TCF15: variants seen among roughly 807,000 people sequenced by gnomAD.
The protein encoded by TCF15 is transcription factor 15, also known as TCF-15.
In TCF15, 7 loss-of-function variants were observed where a neutral mutation model predicts 11.1. The ratio of observed to expected loss-of-function variants is 0.63; its 90% confidence interval spans 0.36 to 1.19. The LOEUF (loss-of-function observed/expected upper bound fraction) is 1.19, where lower values mean the gene tolerates loss of function less well. Among genes scored for constraint, TCF15 ranks in the 50% most tolerant of loss-of-function variants. TCF15 has a pLI of 0.02. For missense variants in TCF15, 288 were observed against 289.4 expected, an observed-to-expected ratio of 1.00 and a Z score of 0.03; for synonymous variants, 144 against 138.9, an observed-to-expected ratio of 1.04 and a Z score of -0.26.
intron 1 of TCF15, among the ~76,000 whole-genome samples, chr20:605,819 CTTT>C (rs2019969449): frequency 6.6e-6 from 1 of 152,236 alleles, no homozygotes; most frequent in Non-Finnish European, 1.5e-5. Flanking sequence ...AGCACCCCCT[CTTT>C]TGAGGCCTCC....
intron 1 of TCF15, among the ~76,000 whole-genome samples, chr20:608,692 G>A (rs1158438695): frequency 6.6e-6 from 1 of 152,198 alleles, no homozygotes; most frequent in African/African-American, 2.4e-5. Flanking sequence ...CAAACAGCAG[G>A]GAGTCAGGGG....
At chr20:607,010 T>G (rs776657143) in intron 1 of TCF15, among the ~76,000 whole-genome samples, 1 of 152,168 alleles carries the variant, frequency 6.6e-6, no homozygotes, top group East Asian at 1.9e-4. Flanking sequence ...TGAGCCTCAG[T>G]TTCCCCCCCG....
At position 604,555 on chromosome 20, in the gene TCF15, T is replaced by G. The variant is rs749986944; in HGVS notation, c.*36A>C. 2 of 1,537,816 alleles carry G rather than the reference T, an allele frequency of 1.3e-6. No individual in the cohort carries two copies. The highest frequency in any genetic ancestry group is 1.4e-5 in the African/African-American group (1 of 72,780). On this transcript the variant is annotated 3_prime_UTR_variant, in exon 2 of 2. Transcript: ENST00000246080. The surrounding 1 kb of genome is among the most constrained non-coding windows in gnomAD (Gnocchi z 4.2). ...GGGGTCTTCTTCCCTGTCCAGCCAG[T>G]GGCTGGCTCCTGGCCTCCTTCTCCA... is the stretch of plus-strand genomic sequence containing the variant.
chr20:605,190 T>C (rs2019962968), intron 1 of TCF15, among the ~76,000 whole-genome samples: 3 of 152,298 alleles, frequency 2.0e-5, no homozygotes, highest in Admixed American at 2.0e-4. Flanking sequence ...TTTTACCTTT[T>C]CTACTTCTTT....
chr20:605,982 T>C (rs2019971321), intron 1 of TCF15, among the ~76,000 whole-genome samples: 1 of 152,214 alleles, frequency 6.6e-6, no homozygotes, highest in Non-Finnish European at 1.5e-5. Flanking sequence ...CCTGGCTAGA[T>C]GATGGAGGAA....
At position 610,238 on chromosome 20, in the gene TCF15, G is replaced by A; in HGVS notation, c.-1C>T. 2 of 997,904 alleles carry A rather than the reference G, an allele frequency of 2.0e-6. No individual in the cohort carries two copies. Among genetic ancestry groups the A allele is most frequent in the Non-Finnish European group, 1.2e-6 (1 of 839,284 alleles). The allele number at this position is 997,904 out of a possible 1,614,324, so 61.8% of individuals were successfully genotyped here. On this transcript the variant is annotated 5_prime_UTR_variant, in exon 1 of 2. Transcript: ENST00000246080. ...CGGGCCGCAGCAGCGCGAACGCCAT[G>A]GGCGCCGGCCGCGTCCCTCCGTGCG...
rs534034365 is a variant in TCF15, at chr20:606,293, C to T, written c.526-1628G>A. Among the ~76,000 whole-genome samples, 99 of 152,130 alleles carry T rather than the reference C, an allele frequency of 6.5e-4. 1 individual carries two copies. The highest frequency in any genetic ancestry group is 1.9e-4 in the East Asian group (1 of 5,164). The stretch of plus-strand genomic sequence containing the variant: ...ATTAAGGTTGAATTAGAAAACTGGC[C>T]TTCCTCTCTTTTACTCTGTAAGTGC... On this transcript the variant is annotated intron_variant, in intron 1 of 1. Transcript: ENST00000246080.
chr20:609,764 G>A lies in TCF15; in HGVS notation c.474C>T (p.Gly158=). The A allele has an allele frequency of 7.1e-7, 1 of 1,407,048 alleles. No homozygotes were observed. The highest frequency in any genetic ancestry group is 3.5e-5 in the Admixed American group (1 of 28,728). The allele number at this position is 1,407,048 out of a possible 1,614,324, so 87.2% of individuals were successfully genotyped here. A position where few individuals can be genotyped will look rare whatever the true frequency, so the allele number is the denominator to read the frequency against. ...AGGTGCAGATGGAGCGCGGCTGGCG[G>A]CCGCCGTCGGCGGCGGCGGGGACGG... is the stretch of plus-strand genomic sequence containing the variant. The part of the protein sequence containing the change: ...KGAVPAAADG[G]RQPRSICTFC... Residue 158 remains glycine, a synonymous_variant, in exon 1 of 2, where the codon GGC becomes GGT. Coordinates refer to ENST00000246080, the MANE Select transcript of TCF15 (RefSeq NM_004609.4). The surrounding 1 kb of genome is among the most constrained non-coding windows in gnomAD (Gnocchi z 4.7).
Position 604,303 on chromosome 20 carries a change from A to G in TCF15, c.*288T>C, listed in dbSNP as rs1010787890. On this transcript the variant is annotated 3_prime_UTR_variant, in exon 2 of 2. Transcript: ENST00000246080. The surrounding 1 kb of genome is among the most constrained non-coding windows in gnomAD (Gnocchi z 4.2). ...ATTTTAAACTCACCAATTCTCTCTC[A>G]CACACACTCACACTCACGCACAGAT... is the stretch of plus-strand genomic sequence containing the variant. 4 of 515,262 alleles carry G rather than the reference A, an allele frequency of 7.8e-6. No individual in the cohort carries two copies. Among genetic ancestry groups the G allele is most frequent in the Admixed American group, 3.6e-5 (1 of 27,900 alleles). The allele number at this position is 515,262 out of a possible 1,614,324, so 31.9% of individuals were successfully genotyped here.
rs45579139 is a variant in TCF15 at position 605,042 on chromosome 20, A to G, written c.526-377T>C. ...AGTCTTGCTCTGTTGCCAGGCTGGA[A>G]TGCAGTGGCACAATCTCAGCTCACT... On this transcript the variant is annotated intron_variant, in intron 1 of 1. Coordinates refer to ENST00000246080, the MANE Select transcript of TCF15 (RefSeq NM_004609.4). Among the ~76,000 whole-genome samples the G allele has an allele frequency of 9.9e-3, 1,502 of 152,200 alleles. 35 individuals carry two copies. The highest frequency in any genetic ancestry group is 0.034 in the African/African-American group (1,402 of 41,518).
chr20:604,649 A>G lies in TCF15; in HGVS notation c.542T>C (p.Leu181Pro), dbSNP rs747173079. The change falls in exon 2 of 2, where the codon CTG (leucine) becomes CCG (proline). Residue 181 changes from leucine (L) to proline (P), a missense_variant. Leu to Pro is a moderately conservative substitution (Grantham distance 98, BLOSUM62 -3). Coordinates refer to ENST00000246080, the MANE Select transcript of TCF15 (RefSeq NM_004609.4). This position sits in a 1 kb window ranked among gnomAD's most constrained non-coding sequence, Gnocchi z 4.2. ...CCTCACCTTCAAGCAGCTGCCCCCC[A>G]GGTCACGACGGCCACCCTGCAGAGG... The part of the protein sequence containing the change: ...NQRKGGGRRD[L>P]GGSCLKVRGV... The G allele has an allele frequency of 6.4e-7, 1 of 1,552,796 alleles. No individual in the cohort carries two copies. The highest frequency in any genetic ancestry group is 1.2e-5 in the South Asian group (1 of 84,080).
rs2020002957 is a variant in TCF15 at position 609,436 on chromosome 20, A to G, written c.525+277T>C. ...TACTCAGTCCTCATGCCGTCTTCCC[A>G]GCAGGAAGGAAGTTCCAGCACACCT... is the stretch of plus-strand genomic sequence containing the variant. On this transcript the variant is annotated intron_variant, in intron 1 of 1. Transcript: ENST00000246080. The surrounding 1 kb of genome is among the most constrained non-coding windows in gnomAD (Gnocchi z 4.7). Among the ~76,000 whole-genome samples, 1 of 152,226 alleles carries G rather than the reference A, an allele frequency of 6.6e-6. No homozygotes were observed. The highest frequency in any genetic ancestry group is 1.5e-5 in the Non-Finnish European group (1 of 68,038).
Position 604,294 on chromosome 20 carries a change from T to G in TCF15, c.*297A>C. The G allele has an allele frequency of 6.2e-6, 3 of 485,930 alleles. No homozygotes were observed. The highest frequency in any genetic ancestry group is 7.4e-6 in the Non-Finnish European group (2 of 269,518). The allele number at this position is 485,930 out of a possible 1,614,324, so 30.1% of individuals were successfully genotyped here. A position where few individuals can be genotyped will look rare whatever the true frequency, so the allele number is the denominator to read the frequency against. ...ATAGCTTTTATTTTAAACTCACCAATTCTCTCTCACACACACTCACACTCA... is the reference window on the plus strand; with the variant it reads ...ATAGCTTTTATTTTAAACTCACCAAGTCTCTCTCACACACACTCACACTCA... On this transcript the variant is annotated 3_prime_UTR_variant, in exon 2 of 2. Transcript: ENST00000246080. The surrounding 1 kb of genome is among the most constrained non-coding windows in gnomAD (Gnocchi z 4.2).
At chr20:606,253 G>A (rs1043838254) in intron 1 of TCF15, among the ~76,000 whole-genome samples, 5 of 152,138 alleles carry the variant, frequency 3.3e-5, no homozygotes, top group Non-Finnish European at 7.3e-5. Flanking sequence ...GGGCAGATAG[G>A]GGAGGGGGTG....
In TCF15 at chr20:604,624, C is replaced by G. The variant is rs1427892833; in HGVS notation, c.567G>C (p.Arg189Ser). ...GTGGCCCTCGAAGGGGGGCCACCCC[C>G]CTCACCTTCAAGCAGCTGCCCCCCA... ...RDLGGSCLKV[R>S]GVAPLRGPRR The change falls in exon 2 of 2, where the codon AGG becomes AGC. Residue 189 changes from arginine to serine, a missense_variant. Coordinates refer to ENST00000246080, the MANE Select transcript of TCF15 (RefSeq NM_004609.4). The surrounding 1 kb of genome is among the most constrained non-coding windows in gnomAD (Gnocchi z 4.2). The G allele has an allele frequency of 1.9e-6, 3 of 1,554,240 alleles. No individual in the cohort carries two copies. In the African/African-American group the frequency reaches 4.1e-5, roughly 21 times the overall value.
rs1272988600 is a variant in TCF15 at position 609,851 on chromosome 20, C to A, written c.387G>T (p.Leu129=). The A allele has an allele frequency of 2.0e-6, 3 of 1,530,124 alleles. No individual in the cohort carries two copies. The highest frequency in any genetic ancestry group is 2.6e-6 in the Non-Finnish European group (3 of 1,149,438). 94.8% of individuals were successfully genotyped at this position (1,530,124 alleles called of 1,614,324 possible). The change falls in exon 1 of 2, where the codon CTG becomes CTT. Residue 129 remains leucine (L), a synonymous_variant. Coordinates refer to ENST00000246080, the MANE Select transcript of TCF15 (RefSeq NM_004609.4). The surrounding 1 kb of genome is among the most constrained non-coding windows in gnomAD (Gnocchi z 4.7). ...GCCCGTCGTCGGCCGAGTCGCCCAG[C>A]AGCAGCACGTTGGCCAGGTGCGCGA... ...SYIAHLANVL[L]LGDSADDGQP...
chr20:608,361 T>C (rs2122241552), intron 1 of TCF15, among the ~76,000 whole-genome samples: 1 of 152,290 alleles, frequency 6.6e-6, no homozygotes. Context: ...CTAACTGGAA[T>C]GAATGGGTGA....
chr20:609,635 C>A lies in TCF15; in HGVS notation c.525+78G>T, dbSNP rs1209484710. 32 of 1,305,862 alleles carry A rather than the reference C, an allele frequency of 2.5e-5. No homozygotes were observed. The highest frequency in any genetic ancestry group is 3.1e-5 in the Non-Finnish European group (32 of 1,034,434). 80.9% of individuals were successfully genotyped at this position (1,305,862 alleles called of 1,614,324 possible). Reference sequence around the variant, plus strand: ...CCTGGCCTCGTTGGGGACCCCTGCACCTCTCCGGTTCCCGCAGAGGCGCTG... The same window carrying A: ...CCTGGCCTCGTTGGGGACCCCTGCAACTCTCCGGTTCCCGCAGAGGCGCTG... On this transcript the variant is annotated intron_variant, in intron 1 of 1. Transcript: ENST00000246080. The surrounding 1 kb of genome is among the most constrained non-coding windows in gnomAD (Gnocchi z 4.7).
chr20:607,709 C>T (rs916926917), intron 1 of TCF15, among the ~76,000 whole-genome samples: 1 of 152,206 alleles, frequency 6.6e-6, no homozygotes, highest in African/African-American at 2.4e-5. Context: ...AGCCTGCTTG[C>T]TATGGGGGTG....
Sources: allele counts gnomAD v4.1 joint callset (sites outside exome capture counted in the v4.1 genomes callset), GRCh38; gene constraint gnomAD v4.1.1; non-coding constraint Gnocchi (gnomAD v3.1); transcripts MANE v1.5; gene names NCBI Gene and HGNC (gene_info 2026-07-23, HGNC 2026-07-21).